The following SLC35D4 variants were observed in gnomAD, a reference collection of about 807,000 sequenced individuals.
SLC35D4 encodes solute carrier family 35 member D4, also known as UDP-N-acetylglucosamine transporter SLC35D4.
At chr18:23,345,290 T>C in the SLC35D4 span, among the ~76,000 whole-genome samples, 3,775 of 152,000 alleles carry the variant, frequency 0.025, 52 homozygotes, top group Middle Eastern at 0.058. Flanking sequence ...AAGACCAGTC[T>C]GACCAACATG....
chr18:23,328,744 C>T, the SLC35D4 span, among the ~76,000 whole-genome samples: 1 of 152,180 alleles, frequency 6.6e-6, no homozygotes, highest in Non-Finnish European at 1.5e-5. Flanking sequence ...GCCCGCATTG[C>T]CAAGACAATC....
the SLC35D4 span, chr18:23,310,340 G>C: frequency 3.2e-5 from 29 of 897,328 alleles, no homozygotes; most frequent in South Asian, 5.1e-5. Flanking sequence ...GGAGAGGGAA[G>C]AGGTTACCTC....
chr18:23,432,554 G>T, the SLC35D4 span, among the ~76,000 whole-genome samples: 2 of 151,812 alleles, frequency 1.3e-5, no homozygotes, highest in East Asian at 1.9e-4. Flanking sequence ...GGTGGTATGC[G>T]CCTGTAACCC....
the SLC35D4 span, among the ~76,000 whole-genome samples, chr18:23,372,096 C>T: frequency 2.0e-4 from 29 of 148,404 alleles, no homozygotes; most frequent in African/African-American, 6.0e-4. Flanking sequence ...CCACTACGCC[C>T]GGCTAATTTT....
the SLC35D4 span, among the ~76,000 whole-genome samples, chr18:23,376,350 G>A: frequency 2.6e-5 from 4 of 152,312 alleles, no homozygotes; most frequent in South Asian, 4.1e-4. Flanking sequence ...AGCACTGACC[G>A]GCTGGGCCAG....
the SLC35D4 span, among the ~76,000 whole-genome samples, chr18:23,423,054 A>G: frequency 2.0e-5 from 3 of 152,020 alleles, no homozygotes; most frequent in Non-Finnish European, 2.9e-5. Flanking sequence ...GTGACACATA[A>G]AGTCCTTCGG....
At chr18:23,304,053 A>AT in the SLC35D4 span, among the ~76,000 whole-genome samples, 9 of 18,800 alleles carry the variant, frequency 4.8e-4, no homozygotes, top group Admixed American at 9.2e-4. Flanking sequence ...CTGTGTTTAA[A>AT]TTAAAAAAAA....
chr18:23,307,334 G>C, the SLC35D4 span, among the ~76,000 whole-genome samples: 4 of 152,178 alleles, frequency 2.6e-5, no homozygotes, highest in Admixed American at 1.3e-4. Flanking sequence ...TGTTTTAACC[G>C]TTTAAACTCT....
the SLC35D4 span, among the ~76,000 whole-genome samples, chr18:23,427,726 T>G: frequency 4.6e-5 from 7 of 152,164 alleles, 1 homozygote; most frequent in Admixed American, 4.6e-4. Context: ...ACACATATGT[T>G]TATTGCGGCA....
chr18:23,247,852 C>T, the SLC35D4 span, among the ~76,000 whole-genome samples: 63 of 152,382 alleles, frequency 4.1e-4, no homozygotes, highest in Middle Eastern at 3.4e-3. Context: ...CCTCGTCCTC[C>T]TGGTGCTGCC....
chr18:23,363,364 ATTTTTTTTTTTTTTT>A, the SLC35D4 span, among the ~76,000 whole-genome samples: 32 of 90,462 alleles, frequency 3.5e-4, no homozygotes, highest in East Asian at 1.2e-3. Context: ...ACAAAAGCAC[ATTTTTTTTTTTTTTT>A]TTTTTTTTTT....
chr18:23,399,152 A>G, the SLC35D4 span, among the ~76,000 whole-genome samples: 1 of 152,160 alleles, frequency 6.6e-6, no homozygotes, highest in African/African-American at 2.4e-5. Flanking sequence ...ATTTGCATCC[A>G]TGACCAAGCT....
At chr18:23,304,575 G>A in the SLC35D4 span, among the ~76,000 whole-genome samples, 5 of 151,514 alleles carry the variant, frequency 3.3e-5, no homozygotes, top group African/African-American at 1.2e-4. Context: ...GAGAGAGGGA[G>A]AGAGAGACGC....
chr18:23,272,558 T>C, the SLC35D4 span, among the ~76,000 whole-genome samples: 9 of 151,674 alleles, frequency 5.9e-5, no homozygotes, highest in Non-Finnish European at 8.8e-5. Context: ...GATCAGAAAA[T>C]AGGGTCAGCA....
the SLC35D4 span, among the ~76,000 whole-genome samples, chr18:23,380,438 C>T: frequency 7.2e-5 from 11 of 152,080 alleles, no homozygotes; most frequent in South Asian, 2.1e-4. Flanking sequence ...AAAGTCCCTT[C>T]CCATCCTGCC....
chr18:23,289,320 C>T, the SLC35D4 span, among the ~76,000 whole-genome samples: 1 of 152,326 alleles, frequency 6.6e-6, no homozygotes, highest in African/African-American at 2.4e-5. Flanking sequence ...GTCCTAGGTC[C>T]TCCCAATTCT....
chr18:23,412,930 C>T, the SLC35D4 span, among the ~76,000 whole-genome samples: 1 of 152,240 alleles, frequency 6.6e-6, no homozygotes, highest in Non-Finnish European at 1.5e-5. Flanking sequence ...TGAGTCCCAA[C>T]CTCTGGACCT....
the SLC35D4 span, among the ~76,000 whole-genome samples, chr18:23,425,057 A>G: frequency 6.6e-6 from 1 of 152,192 alleles, no homozygotes; most frequent in African/African-American, 2.4e-5. Flanking sequence ...ATCAAAATTG[A>G]CAAATACTTA....
the SLC35D4 span, among the ~76,000 whole-genome samples, chr18:23,287,356 C>G: frequency 2.6e-5 from 4 of 152,224 alleles, no homozygotes; most frequent in East Asian, 5.8e-4. Flanking sequence ...TCTTCGCTTT[C>G]ACTTGGACTG....
Sources: allele counts gnomAD v4.1 joint callset (sites outside exome capture counted in the v4.1 genomes callset), GRCh38; gene constraint gnomAD v4.1.1; transcripts MANE v1.5; gene names NCBI Gene and HGNC (gene_info 2026-07-23, HGNC 2026-07-21).